FXYD6: variants seen among roughly 807,000 people sequenced by gnomAD.
The protein encoded by FXYD6 is FXYD domain-containing ion transport regulator 6.
FXYD6 carries 7 observed loss-of-function variants against 16.7 expected under a neutral mutation model. That is an observed-to-expected ratio of 0.42 (90% CI 0.24 to 0.79). The LOEUF (loss-of-function observed/expected upper bound fraction) is 0.79, where lower values mean the gene tolerates loss of function less well. FXYD6 is among the 30% of genes least tolerant of loss of function. The probability of loss-of-function intolerance (pLI) is 0.28; values close to 1 mark genes in which losing one functional copy is unlikely to be tolerated. For synonymous variants in FXYD6, 49 were observed against 43.0 expected, an observed-to-expected ratio of 1.14 and a Z score of -0.54; for missense variants, 111 against 116.2, an observed-to-expected ratio of 0.95 and a Z score of 0.21.
At chr11:117,865,851 C>T (rs531126986) in intron 1 of FXYD6, among the ~76,000 whole-genome samples, 2 of 151,938 alleles carry the variant, frequency 1.3e-5, no homozygotes, top group East Asian at 1.9e-4. Context: ...TGCTTGAACC[C>T]GGGTGGTGGA....
intron 1 of FXYD6, among the ~76,000 whole-genome samples, chr11:117,848,578 C>T (rs1040532413): frequency 3.3e-5 from 5 of 152,084 alleles, no homozygotes; most frequent in Non-Finnish European, 5.9e-5. Context: ...CTGCTAGCTC[C>T]CTGGAAGAGT....
rs2057166518 is a variant in FXYD6, at chr11:117,872,691, G to T, written c.-6+3901C>A. On this transcript the variant is annotated intron_variant, in intron 1 of 7. Transcript: ENST00000526014. The surrounding 1 kb of genome is among the most constrained non-coding windows in gnomAD (Gnocchi z 4.9). ...CCCCAGCCTGGTCCGTGGGGGCCCA[G>T]CCCCTTTCCCAGGCTGTGTGCTCCC... Among the ~76,000 whole-genome samples the T allele has an allele frequency of 6.6e-6, 1 of 152,224 alleles. No individual in the cohort carries two copies. The highest frequency in any genetic ancestry group is 2.1e-4 in the South Asian group (1 of 4,830).
chr11:117,849,818 A>G (rs913103482), intron 1 of FXYD6, among the ~76,000 whole-genome samples: 1 of 152,174 alleles, frequency 6.6e-6, no homozygotes, highest in African/African-American at 2.4e-5. Context: ...GTTACTTTAC[A>G]GATAACATTC....
chr11:117,872,684 G>A lies in FXYD6; in HGVS notation c.-6+3908C>T, dbSNP rs906483765. 2.6e-5 allele frequency among the ~76,000 whole-genome samples: 4 copies of A among 152,200 alleles called. No homozygotes were observed. Among genetic ancestry groups the A allele is most frequent in the African/African-American group, 7.2e-5 (3 of 41,460 alleles). On this transcript the variant is annotated intron_variant, in intron 1 of 7. Coordinates refer to ENST00000526014, the MANE Select transcript of FXYD6 (RefSeq NM_022003.4). This position sits in a 1 kb window ranked among gnomAD's most constrained non-coding sequence, Gnocchi z 4.9. ...CCCATGGCCCCAGCCTGGTCCGTGG[G>A]GGCCCAGCCCCTTTCCCAGGCTGTG... is the stretch of plus-strand genomic sequence containing the variant.
chr11:117,850,358 T>C (rs1591564045), intron 1 of FXYD6, among the ~76,000 whole-genome samples: 1 of 152,356 alleles, frequency 6.6e-6, no homozygotes, highest in East Asian at 1.9e-4. Context: ...ACTGTTACTG[T>C]CCTCTGAGTT....
At chr11:117,864,233 T>C (rs774420412) in intron 1 of FXYD6, among the ~76,000 whole-genome samples, 7 of 152,182 alleles carry the variant, frequency 4.6e-5, no homozygotes, top group Non-Finnish European at 1.0e-4. Flanking sequence ...GTGTGTGACA[T>C]AAGAACAGAC....
At chr11:117,839,981 G>T (rs1338305234) in intron 6 of FXYD6, 151 bp from the exon 7 acceptor site, 2 of 977,958 alleles carry the variant, frequency 2.0e-6, no homozygotes, top group Non-Finnish European at 3.1e-6. Context: ...TTCAATCCTG[G>T]CCCTGCTACT....
intron 6 of FXYD6, 185 bp from the exon 7 acceptor site, chr11:117,840,015 C>T (rs1012940226): frequency 4.1e-6 from 3 of 737,096 alleles, no homozygotes; most frequent in East Asian, 2.6e-5. Flanking sequence ...AACCTGGTAA[C>T]CTCTCTCAGT....
intron 1 of FXYD6, among the ~76,000 whole-genome samples, chr11:117,873,542 G>A (rs1163523813): frequency 1.3e-5 from 2 of 152,238 alleles, no homozygotes; most frequent in Non-Finnish European, 2.9e-5. Context: ...GCTGGGGCTA[G>A]AACCCGGCCT....
chr11:117,875,436 T>G (rs1405734348), intron 1 of FXYD6, among the ~76,000 whole-genome samples: 1 of 150,744 alleles, frequency 6.6e-6, no homozygotes, highest in Non-Finnish European at 1.5e-5. Context: ...GGGGAGGAGA[T>G]ATGGAGGTGA....
intron 1 of FXYD6, among the ~76,000 whole-genome samples, chr11:117,863,515 G>T (rs2056951842): frequency 6.7e-6 from 1 of 150,160 alleles, no homozygotes. Flanking sequence ...CACACTCAAT[G>T]GTCAAAGACT....
chr11:117,842,512 G>A (rs2056372927), intron 2 of FXYD6, among the ~76,000 whole-genome samples: 3 of 152,196 alleles, frequency 2.0e-5, no homozygotes, highest in Admixed American at 1.3e-4. Context: ...CTTAGGGGGC[G>A]AGGGGGCAGG....
intron 1 of FXYD6, among the ~76,000 whole-genome samples, chr11:117,871,958 A>C (rs113534335): frequency 0.038 from 5,776 of 152,262 alleles, 363 homozygotes; most frequent in African/African-American, 0.13. Context: ...GCTTCGGATG[A>C]CCATCTGGAG....
chr11:117,862,757 G>A (rs989556051), intron 1 of FXYD6, among the ~76,000 whole-genome samples: 2 of 152,196 alleles, frequency 1.3e-5, no homozygotes, highest in Admixed American at 1.3e-4. Context: ...CCAAGGTGCT[G>A]TTCCTAAGAT....
intron 1 of FXYD6, among the ~76,000 whole-genome samples, chr11:117,851,932 TATATC>T (rs1434215553): frequency 8.5e-5 from 13 of 152,230 alleles, no homozygotes; most frequent in Admixed American, 7.2e-4. Flanking sequence ...ATGATGGTGT[TATATC>T]ATATAAGACT....
intron 2 of FXYD6, 115 bp downstream of exon 2, chr11:117,842,604 T>A (rs1376801379): frequency 2.4e-5 from 25 of 1,057,622 alleles, no homozygotes; most frequent in Non-Finnish European, 3.4e-5. Flanking sequence ...TGACTAGACA[T>A]GAAGAACGTG....
Position 117,839,819 on chromosome 11 carries a change from G to A in FXYD6, c.271C>T (p.Gln91Ter). Residue 91 changes from glutamine to a stop codon, truncating the protein, a stop_gained, in exon 7 of 8, where the codon CAG becomes TAG. Coordinates refer to ENST00000526014, the MANE Select transcript of FXYD6 (RefSeq NM_022003.4). LOFTEE classifies it high-confidence loss of function. ...GCTGCACTTCAGTTCTCTGCTTTCT[G>A]GGGCTCTGTTGCTGGAAAGAAAACC... ...NLITANATEP[Q>*]KAEN 6.2e-7 allele frequency: 1 copy of A among 1,614,168 alleles called. No homozygotes were observed. Among genetic ancestry groups the A allele is most frequent in the South Asian group, 1.1e-5 (1 of 91,082 alleles).
At chr11:117,843,036 T>G (rs1234148811) in intron 1 of FXYD6, among the ~76,000 whole-genome samples, 5 of 151,948 alleles carry the variant, frequency 3.3e-5, no homozygotes, top group Admixed American at 2.6e-4. Flanking sequence ...CAGGTTCAAG[T>G]GATTCTTCTG....
intron 5 of FXYD6, 126 bp from the exon 6 acceptor site, chr11:117,840,494 G>C (rs997167255): frequency 2.3e-6 from 3 of 1,281,320 alleles, no homozygotes; most frequent in East Asian, 2.4e-5. Flanking sequence ...TGAGGGGCTG[G>C]AGCTCACTCT....
Sources: allele counts gnomAD v4.1 joint callset (sites outside exome capture counted in the v4.1 genomes callset), GRCh38; gene constraint gnomAD v4.1.1; non-coding constraint Gnocchi (gnomAD v3.1); transcripts MANE v1.5; gene names NCBI Gene and HGNC (gene_info 2026-07-23, HGNC 2026-07-21).